N4BP1: variants seen among roughly 807,000 people sequenced by gnomAD.
N4BP1 encodes NEDD4 binding protein 1, also known as NEDD4-binding protein 1.
N4BP1 carries 21 observed loss-of-function variants against 70.9 expected under a neutral mutation model. That is an observed-to-expected ratio of 0.30 (90% CI 0.21 to 0.43). The LOEUF (loss-of-function observed/expected upper bound fraction) is 0.43. Ranked by LOEUF, N4BP1 falls within the 20% of genes least tolerant of loss-of-function variation. The pLI, the probability that N4BP1 is intolerant of heterozygous loss-of-function variation, is 1.00. For synonymous variants in N4BP1, 387 were observed against 394.6 expected (o/e 0.98, Z 0.23); for missense variants, 936 against 1,069.4 (o/e 0.88, Z 1.74).
chr16:48,606,284 C>T (rs1423587848), intron 1 of N4BP1, among the ~76,000 whole-genome samples: 1 of 152,184 alleles, frequency 6.6e-6, no homozygotes, highest in Non-Finnish European at 1.5e-5. Context: ...CACCCCCTAC[C>T]CCCTCATGCC....
At chr16:48,543,603 C>G (rs1249989251) in intron 6 of N4BP1, among the ~76,000 whole-genome samples, 1 of 152,178 alleles carries the variant, frequency 6.6e-6, no homozygotes, top group Non-Finnish European at 1.5e-5. Context: ...CAGTGTCTTA[C>G]TCTTCTGAAG....
intron 6 of N4BP1, 128 bp downstream of exon 6, chr16:48,546,019 C>G (rs1341861471): frequency 1.8e-6 from 1 of 555,192 alleles, no homozygotes; most frequent in Admixed American, 3.8e-5. Context: ...CAGAGGAAGA[C>G]CTTGTCTCAA....
At chr16:48,552,164 G>T (rs1002979159) in intron 3 of N4BP1, among the ~76,000 whole-genome samples, 2 of 152,184 alleles carry the variant, frequency 1.3e-5, no homozygotes, top group Non-Finnish European at 2.9e-5. Context: ...CCTATGCCAA[G>T]AGTCTGTTGA....
intron 1 of N4BP1, among the ~76,000 whole-genome samples, chr16:48,582,004 C>G (rs1202246959): frequency 6.6e-6 from 1 of 152,018 alleles, no homozygotes; most frequent in Non-Finnish European, 1.5e-5. Context: ...AGCCAATCAA[C>G]AGAGATTACC....
intron 2 of N4BP1, among the ~76,000 whole-genome samples, chr16:48,558,401 A>G (rs952191539): frequency 6.6e-6 from 1 of 152,096 alleles, no homozygotes; most frequent in Non-Finnish European, 1.5e-5. Flanking sequence ...GGCATTAGGA[A>G]ATATGTAGGA....
chr16:48,588,621 C>A (rs1964283464), intron 1 of N4BP1, among the ~76,000 whole-genome samples: 1 of 152,016 alleles, frequency 6.6e-6, no homozygotes, highest in Non-Finnish European at 1.5e-5. Flanking sequence ...CTCTAGCAGG[C>A]CCAATCAAGG....
intron 1 of N4BP1, among the ~76,000 whole-genome samples, chr16:48,607,933 A>G (rs944143695): frequency 1.3e-5 from 2 of 152,126 alleles, no homozygotes; most frequent in Admixed American, 1.3e-4. Flanking sequence ...GCGCGATCTC[A>G]GCTCACTGCA....
At chr16:48,573,323 G>A (rs1189370071) in intron 1 of N4BP1, among the ~76,000 whole-genome samples, 1 of 152,060 alleles carries the variant, frequency 6.6e-6, no homozygotes, top group African/African-American at 2.4e-5. Context: ...TGGGCACAGT[G>A]GCTCACACCT....
chr16:48,609,412 T>A (rs1192142105), intron 1 of N4BP1, among the ~76,000 whole-genome samples: 1 of 152,190 alleles, frequency 6.6e-6, no homozygotes, highest in Non-Finnish European at 1.5e-5. Flanking sequence ...GCAACAGGCC[T>A]TGCGTACCAT....
Position 48,541,566 on chromosome 16 carries a change from C to A in N4BP1, c.*1338G>T, listed in dbSNP as rs1963499487. 6.6e-6 allele frequency: 1 copy of A among 152,412 alleles called. No individual in the cohort carries two copies. The allele number at this position is 152,412 out of a possible 1,614,324, so 9.4% of individuals were successfully genotyped here. A position where few individuals can be genotyped will look rare whatever the true frequency, so the allele number is the denominator to read the frequency against. On this transcript the variant is annotated 3_prime_UTR_variant, in exon 7 of 7. Transcript: ENST00000262384. ...TCCCCTCACCATTTACAAACCAGCA[C>A]TGAGTTCTCAGCCTCCGCTCCTCAG...
Position 48,560,887 on chromosome 16 carries a change from T to C in N4BP1, c.1756A>G (p.Ile586Val), listed in dbSNP as rs367947146. 4 of 1,613,836 alleles carry C rather than the reference T, an allele frequency of 2.5e-6. No individual in the cohort carries two copies. In the African/African-American group the frequency reaches 5.3e-5, roughly 22 times the overall value. Residue 586 changes from isoleucine (I) to valine (V), a missense_variant, in exon 2 of 7, where the codon ATT becomes GTT. Ile to Val is a conservative substitution (Grantham distance 29). Transcript: ENST00000262384. The part of the protein sequence containing the change: ...DARSAGPSDH[I>V]DSSVTGVQRF... Reference sequence around the variant, plus strand: ...TGAACCCCAGTAACTGAGGAATCAATATGATCAGAAGGTCCTGCCGACCTT... The same window carrying C: ...TGAACCCCAGTAACTGAGGAATCAACATGATCAGAAGGTCCTGCCGACCTT...
In N4BP1 at chr16:48,560,894, A is replaced by T; in HGVS notation, c.1749T>A (p.Ser583=). 1 of 1,614,040 alleles carries T rather than the reference A, an allele frequency of 6.2e-7. No individual in the cohort carries two copies. The highest frequency in any genetic ancestry group is 8.5e-7 in the Non-Finnish European group (1 of 1,179,898). Residue 583 remains serine (S), a synonymous_variant, in exon 2 of 7, where the codon TCT becomes TCA. Coordinates refer to ENST00000262384, the MANE Select transcript of N4BP1 (RefSeq NM_153029.4). The part of the protein sequence containing the change: ...SVTDARSAGP[S]DHIDSSVTGV... ...CAGTAACTGAGGAATCAATATGATCAGAAGGTCCTGCCGACCTTGCATCAG... is the reference window on the plus strand; with the variant it reads ...CAGTAACTGAGGAATCAATATGATCTGAAGGTCCTGCCGACCTTGCATCAG...
rs1963841502 is a variant in N4BP1 at position 48,560,753 on chromosome 16, C to T, written c.1889+1G>A. ...AAATAATCTGCAGAGAATGGACTTA[C>T]GTAATTGCAACATTGCTCCCATCTA... On this transcript the variant is annotated splice_donor_variant, in intron 2 of 6. Coordinates refer to ENST00000262384, the MANE Select transcript of N4BP1 (RefSeq NM_153029.4). LOFTEE classifies it high-confidence loss of function. 1.3e-6 allele frequency: 2 copies of T among 1,593,032 alleles called. No homozygotes were observed. Among genetic ancestry groups the T allele is most frequent in the Admixed American group, 1.8e-5 (1 of 55,688 alleles).
chr16:48,543,246 T>C lies in N4BP1; in HGVS notation c.2349A>G (p.Leu783=), dbSNP rs1020353597. 4.6e-6 allele frequency: 7 copies of C among 1,531,368 alleles called. No homozygotes were observed. In the African/African-American group the frequency reaches 8.3e-5, roughly 18 times the overall value. The allele number at this position is 1,531,368 out of a possible 1,614,324, so 94.9% of individuals were successfully genotyped here. ...TGCCCACATTTGGCAGGGCACTGAG[T>C]AGGGGCTGCATATCTCTGTGAATGG... is the stretch of plus-strand genomic sequence containing the variant. The part of the protein sequence containing the change: ...KEVCLRDMQP[L]LSALPNVGMF... Residue 783 remains leucine, a synonymous_variant, in exon 7 of 7, where the codon CTA becomes CTG. Coordinates refer to ENST00000262384, the MANE Select transcript of N4BP1 (RefSeq NM_153029.4).
intron 2 of N4BP1, among the ~76,000 whole-genome samples, chr16:48,554,346 C>T (rs1963721230): frequency 6.6e-6 from 1 of 152,074 alleles, no homozygotes; most frequent in Admixed American, 6.5e-5. Flanking sequence ...GGCTATGTTC[C>T]ACATTTACAA....
intron 1 of N4BP1, among the ~76,000 whole-genome samples, chr16:48,595,537 C>T (rs969210857): frequency 6.7e-6 from 1 of 149,716 alleles, no homozygotes; most frequent in Non-Finnish European, 1.5e-5. Context: ...AAAGTACATT[C>T]TTGTAAACAA....
rs187821131 is a variant in N4BP1 at position 48,591,046 on chromosome 16, G to A, written c.198+18729C>T. On this transcript the variant is annotated intron_variant, in intron 1 of 6. Coordinates refer to ENST00000262384, the MANE Select transcript of N4BP1 (RefSeq NM_153029.4). ...GTCTGTCTTGTCTTTGTGTGTTTCT[G>A]TATATGGTGGGGATCTCTGAAGGAA... Among the ~76,000 whole-genome samples the A allele has an allele frequency of 3.3e-5, 5 of 152,298 alleles. No individual in the cohort carries two copies. The East Asian group carries it at 9.6e-4, about 29-fold the overall frequency.
chr16:48,557,011 C>G (rs1208896122), intron 2 of N4BP1, among the ~76,000 whole-genome samples: 2 of 152,128 alleles, frequency 1.3e-5, no homozygotes, highest in African/African-American at 2.4e-5. Flanking sequence ...TTTCCACTTA[C>G]TCATCATTTG....
chr16:48,556,948 G>A (rs777969935), intron 2 of N4BP1, among the ~76,000 whole-genome samples: 7 of 152,162 alleles, frequency 4.6e-5, no homozygotes, highest in Non-Finnish European at 8.8e-5. Context: ...GGCTGACAGA[G>A]CCCAAATGTT....
Sources: allele counts gnomAD v4.1 joint callset (sites outside exome capture counted in the v4.1 genomes callset), GRCh38; gene constraint gnomAD v4.1.1; transcripts MANE v1.5; gene names NCBI Gene and HGNC (gene_info 2026-07-23, HGNC 2026-07-21).